Variants in RANBP2 observed in about 807,000 individuals in gnomAD.
The protein encoded by RANBP2 is RAN binding protein 2, also known as E3 SUMO-protein ligase RanBP2.
Under a neutral mutation model 303.6 loss-of-function variants are expected in RANBP2, and 57 were observed. That is an observed-to-expected ratio of 0.19 (90% CI 0.15 to 0.23). RANBP2 has a LOEUF of 0.23. Ranked by LOEUF, RANBP2 falls within the 10% of genes least tolerant of loss-of-function variation. The pLI, the probability that RANBP2 is intolerant of heterozygous loss-of-function variation, is 1.00. For synonymous variants in RANBP2, 1,167 were observed against 1,301.5 expected (o/e 0.90, Z 2.23); for missense variants, 3,138 against 3,780.8 (o/e 0.83, Z 4.46).
At chr2:109,523,407 C>T in the RANBP2 span, among the ~76,000 whole-genome samples, 2 of 152,080 alleles carry the variant, frequency 1.3e-5, no homozygotes, top group African/African-American at 2.4e-5. Context: ...ATGGAAAAGC[C>T]GGGTCACCCA....
rs1695542429 is a variant in RANBP2 at position 108,735,907 on chromosome 2, G to A, written c.636+145G>A. 3.3e-6 allele frequency: 5 copies of A among 1,511,032 alleles called. No homozygotes were observed. The South Asian group carries it at 6.1e-5, about 18-fold the overall frequency. 93.6% of individuals were successfully genotyped at this position (1,511,032 alleles called of 1,614,324 possible). A position where few individuals can be genotyped will look rare whatever the true frequency, so the allele number is the denominator to read the frequency against. The stretch of plus-strand genomic sequence containing the variant: ...TAAAATGAAATTTTTACCAGGATCA[G>A]TTAAATTTATAATGGGAAGATTGGG... On this transcript the variant is annotated intron_variant, in intron 5 of 28. Coordinates refer to ENST00000283195, the MANE Select transcript of RANBP2 (RefSeq NM_006267.5).
chr2:109,331,226 G>C, the RANBP2 span, among the ~76,000 whole-genome samples: 2 of 152,122 alleles, frequency 1.3e-5, no homozygotes, highest in East Asian at 1.9e-4. Context: ...GAAATTTCCT[G>C]ATATTGTGTA....
the RANBP2 span, among the ~76,000 whole-genome samples, chr2:109,368,051 C>T: frequency 1.3e-5 from 2 of 152,218 alleles, no homozygotes; most frequent in African/African-American, 4.8e-5. Flanking sequence ...GAATATTAGC[C>T]AGGTATGCCA....
chr2:109,673,381 G>A, the RANBP2 span, among the ~76,000 whole-genome samples: 24 of 152,082 alleles, frequency 1.6e-4, no homozygotes, highest in African/African-American at 5.1e-4. Context: ...GGGATGCTTT[G>A]GGAAAAACAG....
the RANBP2 span, among the ~76,000 whole-genome samples, chr2:109,531,311 G>A: frequency 6.6e-6 from 1 of 152,232 alleles, no homozygotes; most frequent in Non-Finnish European, 1.5e-5. Flanking sequence ...GTCAGACCTT[G>A]CAGGGCTCAG....
the RANBP2 span, among the ~76,000 whole-genome samples, chr2:109,169,966 T>C: frequency 6.6e-6 from 1 of 152,184 alleles, no homozygotes; most frequent in Non-Finnish European, 1.5e-5. Context: ...TTTAATGTTT[T>C]ACTTGATAAC....
chr2:109,150,796 A>G, the RANBP2 span, among the ~76,000 whole-genome samples: 6 of 152,190 alleles, frequency 3.9e-5, no homozygotes, highest in Admixed American at 2.0e-4. Context: ...TTACCTCCTT[A>G]TCAGGCTGTT....
At chr2:109,123,256 T>C in the RANBP2 span, among the ~76,000 whole-genome samples, 1 of 152,110 alleles carries the variant, frequency 6.6e-6, no homozygotes. Context: ...CACCACCCTC[T>C]TTTGCTCTTT....
At chr2:109,247,327 C>T in the RANBP2 span, among the ~76,000 whole-genome samples, 1 of 152,212 alleles carries the variant, frequency 6.6e-6, no homozygotes, top group East Asian at 1.9e-4. Context: ...ATCCAAATCT[C>T]TGCAGCCCCT....
At chr2:108,965,503 C>A in the RANBP2 span, among the ~76,000 whole-genome samples, 1 of 151,820 alleles carries the variant, frequency 6.6e-6, no homozygotes, top group Admixed American at 6.6e-5. Flanking sequence ...CCAGTTGTTC[C>A]CAGATACAGG....
At chr2:109,623,183 G>T in the RANBP2 span, among the ~76,000 whole-genome samples, 1 of 152,168 alleles carries the variant, frequency 6.6e-6, no homozygotes, top group Non-Finnish European at 1.5e-5. Flanking sequence ...GCACAGGCGG[G>T]AGTGTTATGT....
intron 25 of RANBP2, among the ~76,000 whole-genome samples, chr2:108,778,321 T>G (rs907692839): frequency 2.0e-5 from 3 of 152,252 alleles, no homozygotes; most frequent in Admixed American, 6.5e-5. Flanking sequence ...CAAGCTCTTG[T>G]GTATTGAATG....
the RANBP2 span, among the ~76,000 whole-genome samples, chr2:109,524,385 C>T: frequency 2.6e-4 from 38 of 146,794 alleles, no homozygotes; most frequent in Admixed American, 2.2e-3. Flanking sequence ...AGCCATAACA[C>T]GCTCTGTGAA....
chr2:109,609,623 A>G, the RANBP2 span, among the ~76,000 whole-genome samples: 1 of 151,908 alleles, frequency 6.6e-6, no homozygotes, highest in East Asian at 1.9e-4. Context: ...CTCAAAAAAA[A>G]AAAAAAAAAA....
chr2:108,831,700 T>TCTTCCTTCCTTC, the RANBP2 span, among the ~76,000 whole-genome samples: 28,658 of 145,108 alleles, frequency 0.2, 4,202 homozygotes, highest in East Asian at 0.74. Flanking sequence ...TGGCACAGAA[T>TCTTCCTTCCTTC]CTTCCTTCCT....
At chr2:108,736,994 T>A (rs826574) in intron 6 of RANBP2, among the ~76,000 whole-genome samples, 14,210 of 115,548 alleles carry the variant, frequency 0.12, 1,235 homozygotes, top group African/African-American at 0.18. Flanking sequence ...CAGATTAGTA[T>A]TCTCCTCCTT....
At chr2:109,227,243 G>C in the RANBP2 span, among the ~76,000 whole-genome samples, 3 of 152,182 alleles carry the variant, frequency 2.0e-5, no homozygotes, top group African/African-American at 7.2e-5. Flanking sequence ...AAAGTTGGGG[G>C]AAGGAGCTAA....
rs71381992 is a variant in RANBP2 at position 108,783,333 on chromosome 2, TAAAAAAAAAAAA to T, written c.9370-245_9370-234del. ...GCGACAGAGTGAGACAGCCTGTCAT[TAAAAAAAAAAAA>T]AAAAAAAAAAAAAAAAATCAAATTT... On this transcript the variant is annotated intron_variant, in intron 28 of 28. Transcript: ENST00000283195. 1.7e-4 allele frequency among the ~76,000 whole-genome samples: 7 copies of T among 41,428 alleles called. No homozygotes were observed. The East Asian group carries it at 2.4e-3, about 14-fold the overall frequency. 27.2% of individuals were successfully genotyped at this position (41,428 alleles called of 152,430 possible). A position where few individuals can be genotyped will look rare whatever the true frequency, so the allele number is the denominator to read the frequency against.
At chr2:109,582,138 A>C in the RANBP2 span, among the ~76,000 whole-genome samples, 2 of 151,942 alleles carry the variant, frequency 1.3e-5, no homozygotes, top group African/African-American at 4.8e-5. Context: ...AAACCTAGGA[A>C]TATATCTAAC....
Sources: gnomAD v4.1 joint callset for allele counts (sites outside exome capture counted in the v4.1 genomes callset) on GRCh38, gnomAD v4.1.1 for gene constraint, MANE v1.5 for transcripts, NCBI Gene and HGNC (gene_info 2026-07-23, HGNC 2026-07-21) for gene names.